NVL: variants seen among roughly 807,000 people sequenced by gnomAD.
The protein encoded by NVL is nuclear valosin-containing protein-like.
NVL carries 84 observed loss-of-function variants against 110.2 expected under a neutral mutation model. The observed-to-expected ratio is 0.76, with a 90% CI of 0.64 to 0.91. The LOEUF is 0.91. NVL is among the 40% of genes least tolerant of loss of function. NVL has a pLI of 0.00. For synonymous variants in NVL, 354 were observed against 361.1 expected, an observed-to-expected ratio of 0.98 and a Z score of 0.22; for missense variants, 882 against 1,035.9, an observed-to-expected ratio of 0.85 and a Z score of 2.04.
intron 20 of NVL, 25 bp downstream of exon 20, chr1:224,236,481 A>G: frequency 6.3e-7 from 1 of 1,583,178 alleles, no homozygotes; most frequent in Middle Eastern, 1.7e-4. Context: ...CAGAGAGTGA[A>G]TTGACTTAAG....
intron 16 of NVL, among the ~76,000 whole-genome samples, chr1:224,276,972 TTA>T (rs1665833270): frequency 9.4e-6 from 1 of 106,260 alleles, no homozygotes; most frequent in African/African-American, 4.2e-5. Context: ...AAAACTAGTT[TTA>T]TGACACATAA....
At chr1:224,282,683 C>G (rs2102601501) in intron 15 of NVL, among the ~76,000 whole-genome samples, 1 of 152,288 alleles carries the variant, frequency 6.6e-6, no homozygotes, top group East Asian at 1.9e-4. Flanking sequence ...CATCTATGTT[C>G]CACTTACTCC....
chr1:224,230,570 C>T (rs1399944780), intron 22 of NVL, among the ~76,000 whole-genome samples: 1 of 151,886 alleles, frequency 6.6e-6, no homozygotes, highest in African/African-American at 2.4e-5. Flanking sequence ...TGCCACTACA[C>T]TCCAGACTGG....
chr1:224,271,057 G>A (rs1665044454), intron 17 of NVL, among the ~76,000 whole-genome samples: 1 of 152,124 alleles, frequency 6.6e-6, no homozygotes. Flanking sequence ...GTTCAGCAGA[G>A]TTCTATTTAC....
intron 6 of NVL, chr1:224,305,472 T>A (rs2102706532): frequency 8.6e-6 from 2 of 232,148 alleles, no homozygotes; most frequent in Admixed American, 5.6e-5. Flanking sequence ...TTGTGAAGCA[T>A]CCCATATGGG....
chr1:224,272,806 G>A (rs554630602), intron 17 of NVL, among the ~76,000 whole-genome samples: 93 of 149,622 alleles, frequency 6.2e-4, no homozygotes, highest in Middle Eastern at 3.5e-3. Flanking sequence ...AGGCCGAGGC[G>A]GGCGGATCGC....
Position 224,321,232 on chromosome 1 carries a change from G to A in NVL, c.132-3302C>T, listed in dbSNP as rs1279180599. Among the ~76,000 whole-genome samples the A allele has an allele frequency of 2.6e-5, 4 of 152,008 alleles. No individual in the cohort carries two copies. In the East Asian group the frequency reaches 7.7e-4, roughly 29 times the overall value. On this transcript the variant is annotated intron_variant, in intron 2 of 22. Transcript: ENST00000281701. ...TGCACTCCAACCTGGATGATAGAGC[G>A]AGACTGTGTCTCCAAAAAATAAATA...
intron 11 of NVL, among the ~76,000 whole-genome samples, chr1:224,295,675 C>A (rs140955957): frequency 5.3e-5 from 8 of 151,116 alleles, no homozygotes; most frequent in African/African-American, 1.9e-4. Flanking sequence ...CATAGTGAGA[C>A]CGTCTTTAAA....
At chr1:224,295,887 C>T (rs981602827) in intron 11 of NVL, among the ~76,000 whole-genome samples, 5 of 146,786 alleles carry the variant, frequency 3.4e-5, no homozygotes, top group African/African-American at 7.6e-5. Flanking sequence ...ATAGGTTGAA[C>T]GCAGGAGGCA....
At chr1:224,292,948 T>A (rs1003710849) in intron 12 of NVL, among the ~76,000 whole-genome samples, 5 of 152,028 alleles carry the variant, frequency 3.3e-5, no homozygotes, top group Non-Finnish European at 7.4e-5. Flanking sequence ...AGAGATGGGG[T>A]TTCACCATGT....
intron 13 of NVL, 169 bp downstream of exon 13, chr1:224,289,315 T>G (rs1416412377): frequency 1.4e-5 from 8 of 571,930 alleles, no homozygotes; most frequent in Non-Finnish European, 2.3e-5. Context: ...ATAAAACAAC[T>G]CATATTTTTG....
At chr1:224,259,959 C>A (rs530865294) in intron 18 of NVL, among the ~76,000 whole-genome samples, 1 of 152,130 alleles carries the variant, frequency 6.6e-6, no homozygotes, top group South Asian at 2.1e-4. Flanking sequence ...CATGAGCCAT[C>A]GCATCCAGCC....
chr1:224,273,519 GAT>G (rs1258422749), intron 17 of NVL, among the ~76,000 whole-genome samples: 1 of 152,044 alleles, frequency 6.6e-6, no homozygotes, highest in Non-Finnish European at 1.5e-5. Flanking sequence ...AAAAGAGAGA[GAT>G]AAACCAGAAG....
intron 18 of NVL, among the ~76,000 whole-genome samples, chr1:224,251,849 C>CTGA (rs1482704796): frequency 1.3e-5 from 2 of 152,066 alleles, no homozygotes; most frequent in Non-Finnish European, 2.9e-5. Flanking sequence ...TTACGTCAAC[C>CTGA]CTCAGTAAAG....
At position 224,227,815 on chromosome 1, in the gene NVL, G is replaced by A. The variant is rs116051506; in HGVS notation, c.2527-145C>T. 145 of 556,528 alleles carry A rather than the reference G, an allele frequency of 2.6e-4. No homozygotes were observed. The African/African-American group carries it at 2.7e-3, about 10-fold the overall frequency. The allele number at this position is 556,528 out of a possible 1,614,324, so 34.5% of individuals were successfully genotyped here. On this transcript the variant is annotated intron_variant, in intron 22 of 22. Coordinates refer to ENST00000281701, the MANE Select transcript of NVL (RefSeq NM_002533.4). ...CTGGAGAGAGGGTCTTTATAGAGGA[G>A]ACTGGATTAAAATGAGGTCATACAG... is the stretch of plus-strand genomic sequence containing the variant.
chr1:224,329,815 G>A (rs1352308384), intron 1 of NVL, among the ~76,000 whole-genome samples: 5 of 152,174 alleles, frequency 3.3e-5, no homozygotes, highest in Non-Finnish European at 7.3e-5. Context: ...CTGCGCTGAA[G>A]ACGACCAGAC....
chr1:224,236,957 C>T (rs1293899540), intron 19 of NVL, among the ~76,000 whole-genome samples: 2 of 152,182 alleles, frequency 1.3e-5, no homozygotes, highest in Non-Finnish European at 2.9e-5. Flanking sequence ...TTAATAATGG[C>T]TGTTTGACTA....
intron 19 of NVL, among the ~76,000 whole-genome samples, chr1:224,241,048 C>T (rs980224786): frequency 6.6e-5 from 10 of 152,130 alleles, no homozygotes; most frequent in African/African-American, 2.4e-4. Context: ...CTTGGCCTCC[C>T]AAAGTGCTGG....
intron 22 of NVL, 40 bp from the exon 23 acceptor site, chr1:224,227,710 G>C (rs1240349881): frequency 6.3e-7 from 1 of 1,590,524 alleles, no homozygotes; most frequent in Non-Finnish European, 8.6e-7. Context: ...GACCGTCACT[G>C]CTTGTTTTGG....
Sources: gnomAD v4.1 joint callset for allele counts (sites outside exome capture counted in the v4.1 genomes callset) on GRCh38, gnomAD v4.1.1 for gene constraint, MANE v1.5 for transcripts, NCBI Gene and HGNC (gene_info 2026-07-23, HGNC 2026-07-21) for gene names.